Variants in ROBO2 observed in about 807,000 individuals in gnomAD.
ROBO2 encodes the protein roundabout guidance receptor 2, also known as roundabout homolog 2.
In ROBO2, 53 loss-of-function variants were observed where a neutral mutation model predicts 160.8. That is an observed-to-expected ratio of 0.33 (90% CI 0.26 to 0.41). ROBO2 has a LOEUF of 0.41. Ranked by LOEUF, ROBO2 falls within the 10% of genes least tolerant of loss-of-function variation. The pLI, the probability that ROBO2 is intolerant of heterozygous loss-of-function variation, is 1.00. For synonymous variants in ROBO2, 664 were observed against 611.7 expected (o/e 1.09, Z -1.26); for missense variants, 1,577 against 1,722.4 (o/e 0.92, Z 1.49).
At chr3:76,348,290 G>A (rs962010762) in intron 2 of ROBO2, among the ~76,000 whole-genome samples, 1 of 152,176 alleles carries the variant, frequency 6.6e-6, no homozygotes, top group Non-Finnish European at 1.5e-5. Context: ...TAATTGTTGG[G>A]AGAGGCAATC....
intron 2 of ROBO2, among the ~76,000 whole-genome samples, chr3:76,537,398 A>T (rs1285403618): frequency 6.6e-6 from 1 of 152,128 alleles, no homozygotes; most frequent in Non-Finnish European, 1.5e-5. Context: ...CAGAAAAATA[A>T]GACGTTTGGG....
At chr3:76,171,618 G>T (rs77806863) in intron 2 of ROBO2, among the ~76,000 whole-genome samples, 1 of 151,868 alleles carries the variant, frequency 6.6e-6, no homozygotes, top group African/African-American at 2.4e-5. Context: ...TTTTCTCTCC[G>T]AGCAATGCCC....
intron 2 of ROBO2, among the ~76,000 whole-genome samples, chr3:77,344,772 ACT>A (rs2067450592): frequency 6.6e-6 from 1 of 152,250 alleles, no homozygotes; most frequent in East Asian, 1.9e-4. Flanking sequence ...GGTGATGAGT[ACT>A]TAGGAATCTG....
chr3:75,995,027 C>G (rs997052980), intron 2 of ROBO2, among the ~76,000 whole-genome samples: 1 of 152,142 alleles, frequency 6.6e-6, no homozygotes, highest in African/African-American at 2.4e-5. Flanking sequence ...GAAGAAATTT[C>G]TAAGCATTCA....
At chr3:77,405,295 T>G (rs28622897) in intron 2 of ROBO2, among the ~76,000 whole-genome samples, 17,896 of 152,124 alleles carry the variant, frequency 0.12, 1,303 homozygotes, top group East Asian at 0.25. Flanking sequence ...TTGTAAACAG[T>G]AAAAATGTAG....
At chr3:76,384,263 G>A (rs766628685) in intron 2 of ROBO2, among the ~76,000 whole-genome samples, 1 of 152,068 alleles carries the variant, frequency 6.6e-6, no homozygotes, top group Non-Finnish European at 1.5e-5. Context: ...TCTTGATTTA[G>A]CTTTTTAGTA....
At chr3:77,455,339 A>G (rs1480545477) in intron 2 of ROBO2, among the ~76,000 whole-genome samples, 7 of 152,346 alleles carry the variant, frequency 4.6e-5, no homozygotes, top group African/African-American at 1.7e-4. Context: ...ATGGAAACAA[A>G]TATGGAAAAA....
chr3:76,923,683 T>C (rs2076809873), intron 2 of ROBO2, among the ~76,000 whole-genome samples: 2 of 152,220 alleles, frequency 1.3e-5, no homozygotes, highest in Admixed American at 6.5e-5. Flanking sequence ...CAAAGTATCA[T>C]TGGTGCATCA....
chr3:77,428,384 T>A (rs1237414405), intron 2 of ROBO2, among the ~76,000 whole-genome samples: 1 of 134,808 alleles, frequency 7.4e-6, no homozygotes, highest in Non-Finnish European at 1.5e-5. Flanking sequence ...AGTCTCGCTC[T>A]GTCACCCAGG....
At chr3:76,801,995 C>T (rs575617171) in intron 2 of ROBO2, among the ~76,000 whole-genome samples, 1 of 152,236 alleles carries the variant, frequency 6.6e-6, no homozygotes, top group South Asian at 2.1e-4. Flanking sequence ...GAACACACAC[C>T]TGTATTGATT....
At chr3:77,457,553 T>A (rs2081797726) in intron 2 of ROBO2, among the ~76,000 whole-genome samples, 1 of 152,142 alleles carries the variant, frequency 6.6e-6, no homozygotes. Context: ...TAAAACTTGA[T>A]CGGTATTATA....
chr3:76,325,441 C>T (rs1265374956), intron 2 of ROBO2, among the ~76,000 whole-genome samples: 1 of 152,220 alleles, frequency 6.6e-6, no homozygotes, highest in East Asian at 1.9e-4. Flanking sequence ...CTCAATACTT[C>T]CTTAGTTTCG....
intron 2 of ROBO2, among the ~76,000 whole-genome samples, chr3:76,566,565 A>C (rs2084536910): frequency 6.6e-6 from 1 of 152,236 alleles, no homozygotes; most frequent in African/African-American, 2.4e-5. Flanking sequence ...TAAAATGCAT[A>C]TGCTCTTCAC....
At chr3:77,281,975 G>A (rs2060270950) in intron 2 of ROBO2, among the ~76,000 whole-genome samples, 1 of 152,180 alleles carries the variant, frequency 6.6e-6, no homozygotes. Flanking sequence ...CCAGGCCACA[G>A]ACCAGTATGA....
At chr3:75,919,895 T>A (rs1280421681) in intron 1 of ROBO2, among the ~76,000 whole-genome samples, 8 of 152,308 alleles carry the variant, frequency 5.3e-5, no homozygotes, top group Non-Finnish European at 1.0e-4. Context: ...CCCTTTATCA[T>A]TTTTTAATGT....
At chr3:77,040,973 G>A (rs560425304) in intron 1 of ROBO2, 127 bp downstream of exon 1, 7 of 1,249,690 alleles carry the variant, frequency 5.6e-6, no homozygotes, top group African/African-American at 1.5e-5. Context: ...GTTTTGGCCC[G>A]GCACGGGCTC....
intron 2 of ROBO2, among the ~76,000 whole-genome samples, chr3:76,772,767 G>A (rs1192094875): frequency 1.3e-5 from 2 of 150,990 alleles, no homozygotes; most frequent in African/African-American, 4.8e-5. Flanking sequence ...ATTTGTACCA[G>A]TTCCAGAGGA....
chr3:76,656,209 G>C (rs2091517722), intron 2 of ROBO2, among the ~76,000 whole-genome samples: 2 of 152,138 alleles, frequency 1.3e-5, no homozygotes, highest in South Asian at 4.1e-4. Flanking sequence ...ACAAATGACT[G>C]ATGGTAGCCA....
At chr3:76,037,845 C>T (rs933670899) in intron 2 of ROBO2, among the ~76,000 whole-genome samples, 1 of 151,892 alleles carries the variant, frequency 6.6e-6, no homozygotes, top group Non-Finnish European at 1.5e-5. Flanking sequence ...TAAAGAAGTG[C>T]CATTTAAGCT....
Sources: gnomAD v4.1 joint callset for allele counts (sites outside exome capture counted in the v4.1 genomes callset) on GRCh38, gnomAD v4.1.1 for gene constraint, MANE v1.5 for transcripts, NCBI Gene and HGNC (gene_info 2026-07-23, HGNC 2026-07-21) for gene names.